The following CASP2 variants were observed in gnomAD, a reference collection of about 807,000 sequenced individuals.
The protein encoded by CASP2 is caspase-2.
CASP2 carries 38 observed loss-of-function variants against 54.4 expected under a neutral mutation model. That is an observed-to-expected ratio of 0.70 (90% CI 0.54 to 0.92). The LOEUF (loss-of-function observed/expected upper bound fraction) is 0.92, where lower values mean the gene tolerates loss of function less well. CASP2 is among the 40% of genes least tolerant of loss of function. CASP2 has a pLI of 0.00. For missense variants in CASP2, 512 were observed against 579.6 expected (o/e 0.88, Z 1.20); for synonymous variants, 215 against 216.3 (o/e 0.99, Z 0.05).
chr7:143,299,849 A>C, intron 6 of CASP2, 74 bp from the exon 7 acceptor site: 1 of 1,577,636 alleles, frequency 6.3e-7, no homozygotes, highest in Non-Finnish European at 8.7e-7. Flanking sequence ...TTAGGGTTTC[A>C]AAAAGAAACC....
chr7:143,305,100 G>A lies in CASP2; in HGVS notation c.*29G>A, dbSNP rs1330857799. ...CACCTCCCCATCATCCACGCCAAGT[G>A]GAAGCCACTGGACCACAGGAGGTGT... On this transcript the variant is annotated 3_prime_UTR_variant, in exon 11 of 11. Coordinates refer to ENST00000310447, the MANE Select transcript of CASP2 (RefSeq NM_032982.4). 1 of 1,614,026 alleles carries A rather than the reference G, an allele frequency of 6.2e-7. No homozygotes were observed.
intron 8 of CASP2, chr7:143,302,941 G>A (rs4647329): frequency 0.042 from 6,429 of 152,104 alleles, 199 homozygotes; most frequent in Middle Eastern, 0.075. Flanking sequence ...AAACAGTCAA[G>A]TTCTCCCCAC....
In CASP2 at chr7:143,303,780, A is replaced by T; in HGVS notation, c.968-4A>T. 3 of 1,613,782 alleles carry T rather than the reference A, an allele frequency of 1.9e-6. No homozygotes were observed. Among genetic ancestry groups the T allele is most frequent in the Non-Finnish European group, 2.5e-6 (3 of 1,179,740 alleles). ...ATTGTCCATTCTGTCTGCCTTTGTT[A>T]CAGATGAGACTGATCGTGGGGTTGA... On this transcript the variant is annotated splice_polypyrimidine_tract_variant and splice_region_variant and intron_variant, in intron 8 of 10. Transcript: ENST00000310447.
At chr7:143,294,115 G>A in intron 4 of CASP2, 115 bp from the exon 5 acceptor site, 1 of 740,010 alleles carries the variant, frequency 1.4e-6, no homozygotes. Context: ...TGGGTAGTGA[G>A]TGAGACCAAT....
intron 6 of CASP2, among the ~76,000 whole-genome samples, chr7:143,297,366 G>A (rs1223660045): frequency 6.6e-6 from 1 of 152,006 alleles, no homozygotes; most frequent in African/African-American, 2.4e-5. Flanking sequence ...TCTTTTTTTG[G>A]ACATTGTTTT....
chr7:143,298,695 G>T (rs1801828151), intron 6 of CASP2: 1 of 152,158 alleles, frequency 6.6e-6, no homozygotes, highest in Admixed American at 6.6e-5. Flanking sequence ...CTAAGGAGGG[G>T]TGTACCAGCC....
intron 5 of CASP2, 96 bp downstream of exon 5, chr7:143,294,420 C>T: frequency 9.5e-7 from 1 of 1,051,426 alleles, no homozygotes; most frequent in Non-Finnish European, 1.5e-6. Flanking sequence ...TTCCTTTCTG[C>T]CTTATTAGTC....
chr7:143,302,578 G>A (rs748280274), intron 8 of CASP2: 1 of 152,184 alleles, frequency 6.6e-6, no homozygotes, highest in African/African-American at 2.4e-5. Flanking sequence ...GTAAGACAGT[G>A]CCCAACACAT....
rs1802040230 is a variant in CASP2, at chr7:143,305,567, G to A, written c.*496G>A. On this transcript the variant is annotated 3_prime_UTR_variant, in exon 11 of 11. Coordinates refer to ENST00000310447, the MANE Select transcript of CASP2 (RefSeq NM_032982.4). ...AATTTAATGTAGACATTATCTTTTG[G>A]CTCTGAAGAAGCAAACATGACTAGA... 1 of 266,910 alleles carries A rather than the reference G, an allele frequency of 3.7e-6. No homozygotes were observed. Among genetic ancestry groups the A allele is most frequent in the South Asian group, 4.2e-5 (1 of 23,668 alleles). 16.5% of individuals were successfully genotyped at this position (266,910 alleles called of 1,614,324 possible).
At chr7:143,304,088 T>C (rs1195215945) in intron 9 of CASP2, among the ~76,000 whole-genome samples, 155 bp downstream of exon 9, 1 of 152,218 alleles carries the variant, frequency 6.6e-6, no homozygotes, top group Non-Finnish European at 1.5e-5. Context: ...GATTTTGGAA[T>C]ATTTGCGTTA....
chr7:143,288,357 T>A lies in CASP2; in HGVS notation c.-99T>A. On this transcript the variant is annotated 5_prime_UTR_variant, in exon 1 of 11. Transcript: ENST00000310447. ...GCAGGGCGCAGGCGCAGGCGCAGTG[T>A]GCGTCCGCGTCTGAGGGGAGGGATG... 6.5e-6 allele frequency: 8 copies of A among 1,226,990 alleles called. No individual in the cohort carries two copies. In the South Asian group the frequency reaches 9.1e-5, roughly 14 times the overall value. 76.0% of individuals were successfully genotyped at this position (1,226,990 alleles called of 1,614,324 possible).
chr7:143,302,042 C>T (rs530434003), intron 8 of CASP2: 1 of 152,266 alleles, frequency 6.6e-6, no homozygotes. Flanking sequence ...TGCATGGTAG[C>T]ACTTATAAAT....
intron 4 of CASP2, among the ~76,000 whole-genome samples, chr7:143,293,764 C>T (rs1391151794): frequency 1.3e-5 from 2 of 152,142 alleles, no homozygotes; most frequent in African/African-American, 2.4e-5. Flanking sequence ...GTTGGGATTA[C>T]AGGCATGAGT....
rs1405969884 is a variant in CASP2 at position 143,288,528 on chromosome 7, A to G, written c.73A>G (p.Arg25Gly). The G allele has an allele frequency of 6.2e-7, 1 of 1,612,832 alleles. No individual in the cohort carries two copies. Among genetic ancestry groups the G allele is most frequent in the Non-Finnish European group, 8.5e-7 (1 of 1,179,280 alleles). The change falls in exon 1 of 11, where the codon AGG becomes GGG. Residue 25 changes from arginine to glycine, a missense_variant and splice_region_variant. This residue lies in a region of CASP2 where 89 missense variants were observed against 67.1 expected (regional missense o/e 1.33). Transcript: ENST00000310447. ...KELMAADRGRRILGVCGMHPH... is the reference protein window; with the variant it reads ...KELMAADRGRGILGVCGMHPH... ...GCTGATGGCCGCTGACAGGGGACGC[A>G]GGTAAGTAGGGAACGGTCTTAGGGC...
chr7:143,291,581 C>T lies in CASP2; in HGVS notation c.116C>T (p.Thr39Ile), dbSNP rs1285857552. 1.2e-6 allele frequency: 2 copies of T among 1,614,058 alleles called. No individual in the cohort carries two copies. Among genetic ancestry groups the T allele is most frequent in the South Asian group, 2.2e-5 (2 of 91,086 alleles). The change falls in exon 2 of 11, where the codon ACT (threonine) becomes ATT (isoleucine). Residue 39 changes from threonine to isoleucine, a missense_variant. This residue lies in a region of CASP2 where 89 missense variants were observed against 67.1 expected (regional missense o/e 1.33). Transcript: ENST00000310447. ...VCGMHPHHQE[T>I]LKKNRVVLAK... ...GGCATGCATCCTCATCATCAGGAAACTCTAAAAAAGAACCGAGTGGTGCTA... is the reference window on the plus strand; with the variant it reads ...GGCATGCATCCTCATCATCAGGAAATTCTAAAAAAGAACCGAGTGGTGCTA...
At chr7:143,294,499 G>GA in intron 5 of CASP2, 98 bp from the exon 6 acceptor site, 1 of 1,288,124 alleles carries the variant, frequency 7.8e-7, no homozygotes, top group Non-Finnish European at 1.1e-6. Flanking sequence ...AGGTTAAGAA[G>GA]AAAAATACGA....
In CASP2 at chr7:143,305,083, C is replaced by T. The variant is rs1802029925; in HGVS notation, c.*12C>T. 6.2e-7 allele frequency: 1 copy of T among 1,614,096 alleles called. No homozygotes were observed. Among genetic ancestry groups the T allele is most frequent in the Non-Finnish European group, 8.5e-7 (1 of 1,180,040 alleles). On this transcript the variant is annotated 3_prime_UTR_variant, in exon 11 of 11. Transcript: ENST00000310447. ...ACCCTCCCACATGATGTCACCTCCC[C>T]ATCATCCACGCCAAGTGGAAGCCAC...
intron 6 of CASP2, among the ~76,000 whole-genome samples, chr7:143,295,027 AC>A (rs1009071349): frequency 1.4e-5 from 2 of 146,702 alleles, no homozygotes; most frequent in African/African-American, 5.0e-5. Context: ...TTGGTGTCTC[AC>A]TTTTTTTTTT....
Position 143,305,390 on chromosome 7 carries a change from A to G in CASP2, c.*319A>G. 1 of 440,174 alleles carries G rather than the reference A, an allele frequency of 2.3e-6. No individual in the cohort carries two copies. The highest frequency in any genetic ancestry group is 4.2e-6 in the Non-Finnish European group (1 of 235,674). 27.3% of individuals were successfully genotyped at this position (440,174 alleles called of 1,614,324 possible). On this transcript the variant is annotated 3_prime_UTR_variant, in exon 11 of 11. Coordinates refer to ENST00000310447, the MANE Select transcript of CASP2 (RefSeq NM_032982.4). ...TGGGGAGAGGGCATATAAATTCCCCATATTTGTGTTCAGTTCCAGCTTTTG... is the reference window on the plus strand; with the variant it reads ...TGGGGAGAGGGCATATAAATTCCCCGTATTTGTGTTCAGTTCCAGCTTTTG...
Sources: allele counts gnomAD v4.1 joint callset (sites outside exome capture counted in the v4.1 genomes callset), GRCh38; gene constraint gnomAD v4.1.1; regional missense constraint gnomAD v4.1.1; transcripts MANE v1.5; gene names NCBI Gene and HGNC (gene_info 2026-07-23, HGNC 2026-07-21).